The following ADGRL2 variants were observed in gnomAD, a reference collection of about 807,000 sequenced individuals.
ADGRL2 encodes adhesion G protein-coupled receptor L2, also known as calcium-independent alpha-latrotoxin receptor 2.
A neutral mutation model predicts 157.4 loss-of-function variants in ADGRL2; 44 were observed. The observed-to-expected ratio is 0.28, with a 90% CI of 0.22 to 0.36. ADGRL2 has a LOEUF of 0.36. Among genes scored for constraint, ADGRL2 ranks in the 10% least tolerant of loss-of-function variants. The probability of loss-of-function intolerance (pLI) is 1.00; values close to 1 mark genes in which losing one functional copy is unlikely to be tolerated. For synonymous variants in ADGRL2, 585 were observed against 624.7 expected, an observed-to-expected ratio of 0.94 and a Z score of 0.95; for missense variants, 1,510 against 1,768.9, an observed-to-expected ratio of 0.85 and a Z score of 2.63.
At chr1:81,378,074 G>C (rs960417381) in intron 1 of ADGRL2, among the ~76,000 whole-genome samples, 3 of 151,938 alleles carry the variant, frequency 2.0e-5, no homozygotes, top group African/African-American at 7.3e-5. Flanking sequence ...AGCTACTCAG[G>C]AGGCTGAGGC....
chr1:81,444,527 C>G (rs757380191), intron 1 of ADGRL2, among the ~76,000 whole-genome samples: 11 of 152,332 alleles, frequency 7.2e-5, no homozygotes, highest in East Asian at 1.9e-4. Context: ...GCTGGAGGAA[C>G]AGATGCTCAG....
intron 6 of ADGRL2, among the ~76,000 whole-genome samples, chr1:81,944,922 G>A (rs886144818): frequency 1.6e-4 from 24 of 151,904 alleles, no homozygotes; most frequent in Non-Finnish European, 1.8e-4. Flanking sequence ...TCTTTGTCAT[G>A]GAATTTCTAA....
chr1:81,992,456 A>G lies in ADGRL2; in HGVS notation c.*1311A>G, dbSNP rs1024868658. ...TGTGAACTTTTATGTATGATACATA[A>G]TTGGCTTTAACATGTTGGTCCATTC... On this transcript the variant is annotated 3_prime_UTR_variant, in exon 24 of 24. Transcript: ENST00000686636. 1.3e-5 allele frequency: 2 copies of G among 152,594 alleles called. No individual in the cohort carries two copies. Among genetic ancestry groups the G allele is most frequent in the African/African-American group, 4.8e-5 (2 of 41,432 alleles). 9.5% of individuals were successfully genotyped at this position (152,594 alleles called of 1,614,324 possible).
chr1:81,376,500 CT>C (rs2076252548), intron 1 of ADGRL2, among the ~76,000 whole-genome samples: 1 of 152,196 alleles, frequency 6.6e-6, no homozygotes, highest in Admixed American at 6.5e-5. Flanking sequence ...TCGCCATGTC[CT>C]TTTTTTCCTC....
intron 3 of ADGRL2, among the ~76,000 whole-genome samples, chr1:81,631,961 C>G (rs1281269449): frequency 1.3e-5 from 2 of 152,116 alleles, no homozygotes. Flanking sequence ...TCTGAGATTT[C>G]CTATCATGGC....
intron 1 of ADGRL2, among the ~76,000 whole-genome samples, chr1:81,418,064 C>T (rs893776698): frequency 1.3e-5 from 2 of 152,118 alleles, no homozygotes. Flanking sequence ...ACCTGAATAA[C>T]CCAGCTCTCT....
At chr1:81,317,788 C>T (rs1660216775) in intron 1 of ADGRL2, among the ~76,000 whole-genome samples, 1 of 151,962 alleles carries the variant, frequency 6.6e-6, no homozygotes, top group Non-Finnish European at 1.5e-5. Context: ...TTATTTATGT[C>T]TATATAGCTG....
chr1:81,395,601 C>A (rs536734937), intron 1 of ADGRL2, among the ~76,000 whole-genome samples: 1 of 152,160 alleles, frequency 6.6e-6, no homozygotes, highest in South Asian at 2.1e-4. Flanking sequence ...AGGTCTTTTC[C>A]ATAAAATCTT....
intron 3 of ADGRL2, among the ~76,000 whole-genome samples, chr1:81,645,220 C>A (rs1013036646): frequency 6.6e-6 from 1 of 151,642 alleles, no homozygotes; most frequent in African/African-American, 2.4e-5. Flanking sequence ...CAAACTATGT[C>A]TCTACAAAGA....
At chr1:81,622,237 T>A in intron 3 of ADGRL2, among the ~76,000 whole-genome samples, 1 of 152,168 alleles carries the variant, frequency 6.6e-6, no homozygotes, top group East Asian at 1.9e-4. Context: ...ATTCCGCTGG[T>A]CTTATGTATA....
upstream of ADGRL2, among the ~76,000 whole-genome samples, chr1:81,695,864 C>A (rs78311347): frequency 2.6e-5 from 4 of 151,630 alleles, no homozygotes; most frequent in Non-Finnish European, 5.9e-5. Context: ...CCTTGAAATT[C>A]CTCCCTGGCT....
chr1:81,820,471 T>G (rs2090870618), intron 1 of ADGRL2, among the ~76,000 whole-genome samples: 1 of 152,178 alleles, frequency 6.6e-6, no homozygotes, highest in Non-Finnish European at 1.5e-5. Flanking sequence ...TTGGTGTAAA[T>G]TAAATCTGAA....
At chr1:81,533,807 A>T (rs2079664501) in intron 2 of ADGRL2, among the ~76,000 whole-genome samples, 1 of 152,154 alleles carries the variant, frequency 6.6e-6, no homozygotes, top group Non-Finnish European at 1.5e-5. Context: ...ACACCCTCAC[A>T]CTAGGAGTCC....
intron 3 of ADGRL2, 68 bp downstream of exon 3, chr1:81,907,298 T>C: frequency 7.3e-7 from 1 of 1,364,236 alleles, no homozygotes; most frequent in Non-Finnish European, 1.0e-6. Flanking sequence ...ATTACAGTTA[T>C]TCCAAAGCGA....
chr1:81,337,099 A>T (rs544258538), intron 1 of ADGRL2, among the ~76,000 whole-genome samples: 1 of 152,270 alleles, frequency 6.6e-6, no homozygotes, highest in South Asian at 2.1e-4. Context: ...CCAGGGGAAG[A>T]CTAGCTTCCC....
At chr1:81,923,022 C>T (rs2095024118) in intron 3 of ADGRL2, among the ~76,000 whole-genome samples, 1 of 152,256 alleles carries the variant, frequency 6.6e-6, no homozygotes, top group Middle Eastern at 3.4e-3. Flanking sequence ...TTCCCTTGAT[C>T]TGTGCTTTTT....
intron 2 of ADGRL2, among the ~76,000 whole-genome samples, chr1:81,789,234 C>A (rs980428697): frequency 6.6e-6 from 1 of 152,118 alleles, no homozygotes; most frequent in African/African-American, 2.4e-5. Context: ...TTCTAAGGAG[C>A]TTACAGTCAC....
chr1:81,914,303 C>G (rs1048264451), intron 3 of ADGRL2, among the ~76,000 whole-genome samples: 12 of 151,996 alleles, frequency 7.9e-5, no homozygotes, highest in African/African-American at 2.7e-4. Flanking sequence ...AAACTGTAAA[C>G]TCATCTTTCT....
At chr1:81,812,669 C>T (rs1412487452) in intron 1 of ADGRL2, among the ~76,000 whole-genome samples, 1 of 151,624 alleles carries the variant, frequency 6.6e-6, no homozygotes, top group African/African-American at 2.4e-5. Context: ...ATTAAATGAC[C>T]ACTAAACATA....
Sources: allele counts gnomAD v4.1 joint callset (sites outside exome capture counted in the v4.1 genomes callset), GRCh38; gene constraint gnomAD v4.1.1; transcripts MANE v1.5; gene names NCBI Gene and HGNC (gene_info 2026-07-23, HGNC 2026-07-21).